HIP1: variants seen among roughly 807,000 people sequenced by gnomAD.
The protein encoded by HIP1 is huntingtin interacting protein 1.
HIP1 carries 65 observed loss-of-function variants against 147.6 expected under a neutral mutation model. That is an observed-to-expected ratio of 0.44 (90% CI 0.36 to 0.54). The LOEUF is 0.54. HIP1 is among the 20% of genes least tolerant of loss of function. HIP1 has a pLI of 0.00. For missense variants in HIP1, 1,061 were observed against 1,299.6 expected, an observed-to-expected ratio of 0.82 and a Z score of 2.82; for synonymous variants, 479 against 504.0, an observed-to-expected ratio of 0.95 and a Z score of 0.67.
chr7:75,723,837 C>T (rs1252675520), intron 1 of HIP1, among the ~76,000 whole-genome samples: 1 of 152,112 alleles, frequency 6.6e-6, no homozygotes, highest in East Asian at 1.9e-4. Context: ...GCCTCCTGTT[C>T]TGAAGGTCCT....
intron 1 of HIP1, among the ~76,000 whole-genome samples, chr7:75,699,001 G>T (rs1187026796): frequency 3.3e-5 from 5 of 152,046 alleles, no homozygotes; most frequent in African/African-American, 1.2e-4. Context: ...GAGTGGAAGG[G>T]ACGCCTTTCA....
rs201306535 is a variant in HIP1 at position 75,562,867 on chromosome 7, C to G, written c.1020+68G>C. 41 of 1,542,424 alleles carry G rather than the reference C, an allele frequency of 2.7e-5. No individual in the cohort carries two copies. The South Asian group carries it at 4.4e-4, about 17-fold the overall frequency. ...AGTCAATGGGCTTTGGCCAGGGTCT[C>G]CCCCAGCCTCTCCCCTGTACTTGCA... On this transcript the variant is annotated intron_variant, in intron 11 of 30. Coordinates refer to ENST00000336926, the MANE Select transcript of HIP1 (RefSeq NM_005338.7).
chr7:75,543,280 T>C (rs753405281), intron 27 of HIP1, among the ~76,000 whole-genome samples: 10 of 152,220 alleles, frequency 6.6e-5, no homozygotes, highest in Non-Finnish European at 1.2e-4. Flanking sequence ...TCTGGGATAC[T>C]GTGAAACTCT....
At chr7:75,555,187 C>T (rs1432979210) in intron 19 of HIP1, among the ~76,000 whole-genome samples, 1 of 7,834 alleles carries the variant, frequency 1.3e-4, no homozygotes, top group African/African-American at 4.2e-4. Context: ...TCTCAAAAAG[C>T]GGGGGGGCGG....
intron 5 of HIP1, among the ~76,000 whole-genome samples, chr7:75,584,309 G>C (rs1554499169): frequency 6.6e-6 from 1 of 151,936 alleles, no homozygotes; most frequent in Non-Finnish European, 1.5e-5. Context: ...TGTTGCCCAG[G>C]CTGGTCTCAC....
intron 1 of HIP1, among the ~76,000 whole-genome samples, chr7:75,633,343 A>T (rs1798305057): frequency 6.6e-6 from 1 of 151,952 alleles, no homozygotes; most frequent in Non-Finnish European, 1.5e-5. Context: ...CCCAGGCTGG[A>T]GTGCAGTGGT....
chr7:75,651,356 G>A (rs1418306433), intron 1 of HIP1, among the ~76,000 whole-genome samples: 1 of 150,934 alleles, frequency 6.6e-6, no homozygotes, highest in African/African-American at 2.4e-5. Context: ...CTACTCGGGA[G>A]GCTGAGGCAG....
chr7:75,556,686 C>CAA (rs781922095), intron 17 of HIP1, 24 bp downstream of exon 17: 458 of 1,097,250 alleles, frequency 4.2e-4, no homozygotes, highest in Non-Finnish European at 5.0e-4. Flanking sequence ...ACTCTATCTC[C>CAA]AAAAAAAAAA....
At chr7:75,589,626 T>C (rs1381529308) in intron 4 of HIP1, among the ~76,000 whole-genome samples, 1 of 119,914 alleles carries the variant, frequency 8.3e-6, no homozygotes, top group Admixed American at 1.2e-4. Context: ...AAGGGTGCAG[T>C]GAGCTGAGAT....
intron 1 of HIP1, among the ~76,000 whole-genome samples, chr7:75,669,667 C>T (rs1799678162): frequency 1.3e-5 from 2 of 152,192 alleles, no homozygotes; most frequent in Admixed American, 6.5e-5. Flanking sequence ...TTTCTGTCTC[C>T]ATGGATTTAC....
intron 1 of HIP1, among the ~76,000 whole-genome samples, chr7:75,611,471 AAAAAAAAAAAG>A (rs1554504930): frequency 2.0e-5 from 3 of 151,346 alleles, no homozygotes; most frequent in Non-Finnish European, 4.4e-5. Context: ...TGTCTCAAAA[AAAAAAAAAAAG>A]AAAAAAAAAA....
intron 1 of HIP1, among the ~76,000 whole-genome samples, chr7:75,732,977 C>G (rs1480639504): frequency 6.6e-6 from 1 of 152,208 alleles, no homozygotes; most frequent in East Asian, 1.9e-4. Context: ...CCCCCAGAGC[C>G]GGTCTCTTTA....
At chr7:75,659,092 T>C (rs1275348088) in intron 1 of HIP1, among the ~76,000 whole-genome samples, 1 of 152,216 alleles carries the variant, frequency 6.6e-6, no homozygotes, top group Non-Finnish European at 1.5e-5. Flanking sequence ...CTTTGGGTCA[T>C]TTTGTCTCGT....
intron 1 of HIP1, among the ~76,000 whole-genome samples, chr7:75,613,094 C>T (rs1797505024): frequency 6.6e-6 from 1 of 151,888 alleles, no homozygotes; most frequent in Non-Finnish European, 1.5e-5. Context: ...GTCACACACA[C>T]ACACACACAC....
At chr7:75,726,703 C>CTTTTTTTTT (rs797038208) in intron 1 of HIP1, among the ~76,000 whole-genome samples, 1 of 133,442 alleles carries the variant, frequency 7.5e-6, no homozygotes, top group Non-Finnish European at 1.6e-5. Flanking sequence ...AAATGTTTTT[C>CTTTTTTTTT]TTTTTTTTTT....
At chr7:75,544,574 C>T in intron 27 of HIP1, 121 bp downstream of exon 27, 2 of 704,108 alleles carry the variant, frequency 2.8e-6, no homozygotes, top group Non-Finnish European at 5.2e-6. Flanking sequence ...TGCCATCTAA[C>T]CTGGCCAAGT....
chr7:75,716,616 T>C (rs1584974587), intron 1 of HIP1, among the ~76,000 whole-genome samples: 2 of 148,734 alleles, frequency 1.3e-5, no homozygotes, highest in African/African-American at 5.0e-5. Flanking sequence ...GCCTCCCGGG[T>C]TCACACCATT....
chr7:75,630,352 G>A (rs587738307), intron 1 of HIP1, among the ~76,000 whole-genome samples: 3 of 151,662 alleles, frequency 2.0e-5, no homozygotes, highest in African/African-American at 7.3e-5. Context: ...CCAACTACTC[G>A]GGAGGCTGAG....
chr7:75,684,039 G>A (rs1011002989), intron 1 of HIP1, among the ~76,000 whole-genome samples: 1 of 152,088 alleles, frequency 6.6e-6, no homozygotes, highest in African/African-American at 2.4e-5. Context: ...AGCACTTTGG[G>A]AGGCTGAGGC....
Sources: gnomAD v4.1 joint callset for allele counts (sites outside exome capture counted in the v4.1 genomes callset) on GRCh38, gnomAD v4.1.1 for gene constraint, MANE v1.5 for transcripts, NCBI Gene and HGNC (gene_info 2026-07-23, HGNC 2026-07-21) for gene names.